Variants in SSPN observed in about 807,000 individuals in gnomAD.
SSPN encodes K-ras oncogene-associated protein.
Under a neutral mutation model 19.1 loss-of-function variants are expected in SSPN, and 15 were observed. That is an observed-to-expected ratio of 0.78 (90% CI 0.52 to 1.21). The LOEUF (loss-of-function observed/expected upper bound fraction) is 1.21, where lower values mean the gene tolerates loss of function less well. Among genes scored for constraint, SSPN ranks in the 50% most tolerant of loss-of-function variants. The pLI is 0.00. For missense variants in SSPN, 291 were observed against 314.0 expected (o/e 0.93, Z 0.55); for synonymous variants, 147 against 140.3 (o/e 1.05, Z -0.34).
intron 1 of SSPN, among the ~76,000 whole-genome samples, chr12:26,137,632 G>A (rs1230701072): frequency 9.3e-5 from 4 of 43,232 alleles, no homozygotes; most frequent in Admixed American, 8.2e-4. Context: ...GTGTGTGTGT[G>A]TATGTATATA....
At chr12:26,223,612 C>T (rs59817785) in intron 1 of SSPN, among the ~76,000 whole-genome samples, 24 of 152,322 alleles carry the variant, frequency 1.6e-4, no homozygotes, top group African/African-American at 5.5e-4. Context: ...TGCTTTATCC[C>T]AAGCTACCTG....
chr12:26,210,735 AT>A (rs1290043420), intron 1 of SSPN, among the ~76,000 whole-genome samples: 1 of 152,056 alleles, frequency 6.6e-6, no homozygotes, highest in Non-Finnish European at 1.5e-5. Flanking sequence ...TTGTTTTTTC[AT>A]TTTATAAGGG....
chr12:26,219,374 A>C (rs1945094392), intron 1 of SSPN, among the ~76,000 whole-genome samples: 1 of 152,206 alleles, frequency 6.6e-6, no homozygotes, highest in Non-Finnish European at 1.5e-5. Flanking sequence ...TCCAGTATCT[A>C]CCTTTTATTC....
rs889066022 is a variant in SSPN, at chr12:26,179,562, C to T, written c.-30-44731C>T. Among the ~76,000 whole-genome samples the T allele has an allele frequency of 3.9e-5, 6 of 152,100 alleles. No individual in the cohort carries two copies. In the East Asian group the frequency reaches 9.6e-4, roughly 24 times the overall value. On this transcript the variant is annotated intron_variant, in intron 1 of 2. Transcript: ENST00000538142. ...AATTTTGCTTAGGGGCCTTGTATTC[C>T]TTAAACCACCACCAGGAAACCAAAG... is the stretch of plus-strand genomic sequence containing the variant.
intron 1 of SSPN, among the ~76,000 whole-genome samples, chr12:26,171,636 G>A (rs1323305305): frequency 7.0e-6 from 1 of 142,444 alleles, no homozygotes; most frequent in Non-Finnish European, 1.5e-5. Flanking sequence ...TTTTTTTTTT[G>A]TCAAAGAACT....
chr12:26,212,367 A>G (rs970397463), intron 1 of SSPN, among the ~76,000 whole-genome samples: 6 of 152,196 alleles, frequency 3.9e-5, no homozygotes, highest in South Asian at 2.1e-4. Context: ...AGATCCTGAA[A>G]GGAAATACTT....
intron 1 of SSPN, among the ~76,000 whole-genome samples, chr12:26,182,581 C>CCCCTTCCCCTTCCCTT (rs1944725448): frequency 1.0e-5 from 1 of 100,462 alleles, no homozygotes; most frequent in Non-Finnish European, 1.9e-5. Flanking sequence ...CCTTCCCCTT[C>CCCCTTCCCCTTCCCTT]CCCTTCCCTT....
At chr12:26,170,451 A>G (rs1944647726) in intron 1 of SSPN, among the ~76,000 whole-genome samples, 1 of 152,228 alleles carries the variant, frequency 6.6e-6, no homozygotes, top group Non-Finnish European at 1.5e-5. Flanking sequence ...ATATTAAAGT[A>G]GACTTCATAA....
rs1276333385 is a variant in SSPN at position 26,201,168 on chromosome 12, G to GGATTTTGA, written c.279+5220_279+5227dup. Among the ~76,000 whole-genome samples, 8 of 150,904 alleles carry GGATTTTGA rather than the reference G, an allele frequency of 5.3e-5. No homozygotes were observed. In the South Asian group the frequency reaches 1.7e-3, roughly 32 times the overall value. ...AAGGCAGGCAAATTGCATGAGCTCA[G>GGATTTTGA]GATTTTGAGACCAGCCTGGTCAACA... On this transcript the variant is annotated intron_variant, in intron 1 of 2. Coordinates refer to ENST00000242729, the MANE Select transcript of SSPN (RefSeq NM_005086.5).
At chr12:26,209,479 A>C (rs1056562925) in intron 1 of SSPN, among the ~76,000 whole-genome samples, 4 of 151,550 alleles carry the variant, frequency 2.6e-5, no homozygotes, top group Non-Finnish European at 5.9e-5. Flanking sequence ...AGTATGTTTC[A>C]TCTCTCTTTA....
intron 1 of SSPN, among the ~76,000 whole-genome samples, chr12:26,137,364 G>T (rs1944431568): frequency 6.6e-6 from 1 of 152,046 alleles, no homozygotes; most frequent in South Asian, 2.1e-4. Flanking sequence ...TTTGTTTAGA[G>T]AAGCGAGGCT....
chr12:26,156,232 G>A (rs971000067), intron 1 of SSPN, among the ~76,000 whole-genome samples: 1 of 152,190 alleles, frequency 6.6e-6, no homozygotes, highest in African/African-American at 2.4e-5. Flanking sequence ...GGAGATACAA[G>A]TTCAGAGAAG....
In SSPN at chr12:26,231,710, G is replaced by T. The variant is rs966714954; in HGVS notation, c.*634G>T. 1.1e-5 allele frequency: 2 copies of T among 182,604 alleles called. No individual in the cohort carries two copies. The highest frequency in any genetic ancestry group is 4.8e-5 in the African/African-American group (2 of 42,014). 11.3% of individuals were successfully genotyped at this position (182,604 alleles called of 1,614,324 possible). ...TCTTCAGCTCCCTTAGCTTGGCTCC[G>T]TAAGTGGATCACTTGCCAAATGCTT... On this transcript the variant is annotated 3_prime_UTR_variant, in exon 3 of 3. Coordinates refer to ENST00000242729, the MANE Select transcript of SSPN (RefSeq NM_005086.5).
At chr12:26,200,172 C>G (rs777929870) in intron 1 of SSPN, among the ~76,000 whole-genome samples, 6 of 152,228 alleles carry the variant, frequency 3.9e-5, no homozygotes, top group Non-Finnish European at 8.8e-5. Flanking sequence ...TCCCATACCC[C>G]ACTCAGTGGA....
intron 1 of SSPN, among the ~76,000 whole-genome samples, chr12:26,219,080 G>A (rs975762742): frequency 1.3e-5 from 2 of 152,106 alleles, no homozygotes; most frequent in African/African-American, 4.8e-5. Context: ...ACGATGAAAC[G>A]GGGGTAAGGA....
At chr12:26,216,978 C>A (rs1351281057) in intron 1 of SSPN, among the ~76,000 whole-genome samples, 2 of 125,646 alleles carry the variant, frequency 1.6e-5, no homozygotes, top group Admixed American at 8.1e-5. Context: ...GTTACTGTAG[C>A]CTTGTAGTAT....
In SSPN at chr12:26,179,029, A is replaced by T. The variant is rs866326399; in HGVS notation, c.-30-45264A>T. On this transcript the variant is annotated intron_variant, in intron 1 of 2. Transcript: ENST00000538142. Reference sequence around the variant, plus strand: ...AATATCCCATGAAGGATGGACAATGACGGGAAGACTTGCAAAGGAGAAGCA... The same window carrying T: ...AATATCCCATGAAGGATGGACAATGTCGGGAAGACTTGCAAAGGAGAAGCA... 3.3e-5 allele frequency among the ~76,000 whole-genome samples: 5 copies of T among 152,146 alleles called. 1 individual carries two copies. The highest frequency in any genetic ancestry group is 4.1e-4 in the South Asian group (2 of 4,820).
chr12:26,227,106 G>A (rs1945186050), intron 2 of SSPN, among the ~76,000 whole-genome samples: 1 of 152,098 alleles, frequency 6.6e-6, no homozygotes, highest in Non-Finnish European at 1.5e-5. Context: ...CAAGGTCATC[G>A]TAAACACTCT....
rs370017130 is a variant in SSPN at position 26,153,571 on chromosome 12, A to G, written c.-31+31419A>G. ...ATTTTTTGAATGAATGTGTGCATAA[A>G]TGAATAATGAATAAACAGAAGAACT... On this transcript the variant is annotated intron_variant, in intron 1 of 2. Coordinates refer to the SSPN transcript ENST00000538142. Among the ~76,000 whole-genome samples the G allele has an allele frequency of 6.6e-5, 10 of 152,342 alleles. No individual in the cohort carries two copies. The East Asian group carries it at 1.2e-3, about 18-fold the overall frequency.
Sources: allele counts gnomAD v4.1 joint callset (sites outside exome capture counted in the v4.1 genomes callset), GRCh38; gene constraint gnomAD v4.1.1; transcripts MANE v1.5; gene names NCBI Gene and HGNC (gene_info 2026-07-23, HGNC 2026-07-21).